The following PASD1 variants were observed in gnomAD, a reference collection of about 807,000 sequenced individuals.
PASD1 encodes PAS domain containing repressor 1.
PASD1 carries 13 observed loss-of-function variants against 58.8 expected under a neutral mutation model. The ratio of observed to expected loss-of-function variants is 0.22; its 90% confidence interval spans 0.14 to 0.35. The LOEUF (loss-of-function observed/expected upper bound fraction) is 0.35. Among genes scored for constraint, PASD1 ranks in the 10% least tolerant of loss-of-function variants. PASD1 has a pLI of 1.00. For missense variants in PASD1, 734 were observed against 568.3 expected (o/e 1.29, Z -2.96); for synonymous variants, 236 against 216.7 (o/e 1.09, Z -0.78).
At chrX:151,666,605 A>G (rs1257557947) in intron 11 of PASD1, among the ~76,000 whole-genome samples, 4 of 95,446 alleles carry the variant, frequency 4.2e-5, no homozygotes, top group Non-Finnish European at 6.2e-5. Flanking sequence ...TCATTGTTCA[A>G]TTCCCACCTA....
chrX:151,643,944 T>C (rs780452007), intron 8 of PASD1, among the ~76,000 whole-genome samples: 2 of 112,164 alleles, frequency 1.8e-5, no homozygotes, highest in Admixed American at 1.9e-4. Context: ...TAGTGTCTTT[T>C]CTGTCAGTCA....
At chrX:151,567,272 A>G (rs2012861879) in intron 1 of PASD1, among the ~76,000 whole-genome samples, 1 of 110,074 alleles carries the variant, frequency 9.1e-6, no homozygotes, top group Non-Finnish European at 1.9e-5. Context: ...GTGATCCTAC[A>G]AGTTTTTGTT....
chrX:151,626,381 A>T (rs1292939293), intron 8 of PASD1, among the ~76,000 whole-genome samples: 1 of 112,065 alleles, frequency 8.9e-6, no homozygotes, highest in Admixed American at 9.5e-5. Flanking sequence ...CCTAACCCCC[A>T]GGAAAATGCC....
At chrX:151,621,676 G>C in intron 6 of PASD1, 84 bp downstream of exon 6, 3 of 606,407 alleles carry the variant, frequency 4.9e-6, no homozygotes, top group Non-Finnish European at 7.4e-6. Flanking sequence ...CTTCTGCTTG[G>C]TACTTGCAAA....
chrX:151,588,690 G>C (rs905210026), intron 1 of PASD1, among the ~76,000 whole-genome samples: 8 of 112,079 alleles, frequency 7.1e-5, no homozygotes, highest in African/African-American at 2.3e-4. Context: ...CTGGGTTCTA[G>C]AGCACTAACT....
rs2124320796 is a variant in PASD1, at chrX:151,672,511, A to G, written c.1766A>G (p.Asn589Ser). 8.3e-7 allele frequency: 1 copy of G among 1,211,362 alleles called. No homozygotes were observed. The highest frequency in any genetic ancestry group is 3.0e-5 in the East Asian group (1 of 33,794). ...GAGAGGGTGCAGATATGCCTGCAAA[A>G]CCCACGTGACGTATCTGTGCCCCTC... ...GNERVQICLQ[N>S]PRDVSVPLCN... Residue 589 changes from asparagine to serine, a missense_variant, in exon 14 of 16, where the codon AAC (asparagine) becomes AGC (serine). By Grantham distance (46) the Asn-to-Ser change is conservative. Coordinates refer to ENST00000370357, the MANE Select transcript of PASD1 (RefSeq NM_173493.3).
intron 8 of PASD1, among the ~76,000 whole-genome samples, chrX:151,636,537 G>A (rs1329563109): frequency 9.0e-6 from 1 of 110,577 alleles, no homozygotes; most frequent in Non-Finnish European, 1.9e-5. Flanking sequence ...CTGAGTAGCT[G>A]GGATTACAGG....
At chrX:151,596,014 T>C (rs2013318490) in intron 1 of PASD1, among the ~76,000 whole-genome samples, 3 of 111,736 alleles carry the variant, frequency 2.7e-5, no homozygotes, top group Admixed American at 9.5e-5. Flanking sequence ...CTACCTGCTT[T>C]CCAGTGTCTT....
chrX:151,671,439 G>T (rs766909464), intron 12 of PASD1, 134 bp from the exon 13 acceptor site: 1 of 848,382 alleles, frequency 1.2e-6, no homozygotes, highest in Admixed American at 2.8e-5. Context: ...GGCAATGGTA[G>T]ATGTGGCTTA....
intron 1 of PASD1, among the ~76,000 whole-genome samples, chrX:151,582,670 C>G (rs909265727): frequency 5.4e-5 from 6 of 111,784 alleles, no homozygotes; most frequent in African/African-American, 2.0e-4. Context: ...AATGCTGCTG[C>G]ACTTCAGCTT....
intron 1 of PASD1, among the ~76,000 whole-genome samples, chrX:151,564,971 A>G (rs1450579198): frequency 8.9e-6 from 1 of 112,087 alleles, no homozygotes; most frequent in African/African-American, 3.2e-5. Context: ...TATAAAATCA[A>G]GAATGTAAAT....
chrX:151,670,843 C>T (rs1000160350), intron 11 of PASD1, among the ~76,000 whole-genome samples, 195 bp from the exon 12 acceptor site: 3 of 112,233 alleles, frequency 2.7e-5, no homozygotes, highest in East Asian at 2.8e-4. Context: ...AAATGATCTC[C>T]GTGGTCCATT....
intron 11 of PASD1, 28 bp downstream of exon 11, chrX:151,664,376 T>C: frequency 8.3e-7 from 1 of 1,205,768 alleles, no homozygotes; most frequent in Non-Finnish European, 1.1e-6. Context: ...CTTCACTCGC[T>C]TCACGTTTGT....
At chrX:151,601,892 C>T (rs1186610197) in intron 2 of PASD1, among the ~76,000 whole-genome samples, 1 of 112,306 alleles carries the variant, frequency 8.9e-6, no homozygotes, top group Non-Finnish European at 1.9e-5. Context: ...TTTTAGAAGA[C>T]AGTTTTTGAG....
At chrX:151,584,094 A>G (rs1218780393) in intron 1 of PASD1, among the ~76,000 whole-genome samples, 1 of 111,762 alleles carries the variant, frequency 8.9e-6, no homozygotes, top group Non-Finnish European at 1.9e-5. Context: ...GACCATTAAC[A>G]ATAACTTTGG....
intron 4 of PASD1, among the ~76,000 whole-genome samples, chrX:151,615,620 T>C (rs1166526264): frequency 9.0e-6 from 1 of 111,580 alleles, no homozygotes; most frequent in Non-Finnish European, 1.9e-5. Context: ...ATCCAACTTA[T>C]ATTATAAAAT....
At chrX:151,670,620 A>G (rs989791544) in intron 11 of PASD1, among the ~76,000 whole-genome samples, 39 of 112,061 alleles carry the variant, frequency 3.5e-4, no homozygotes, top group African/African-American at 1.3e-3. Flanking sequence ...TACAGTGCTT[A>G]GAAGAGTGCC....
chrX:151,619,115 A>T (rs1233188480), intron 4 of PASD1, among the ~76,000 whole-genome samples: 1 of 111,025 alleles, frequency 9.0e-6, no homozygotes, highest in African/African-American at 3.3e-5. Flanking sequence ...CAAACTGGAA[A>T]TGAGACTTGG....
intron 11 of PASD1, among the ~76,000 whole-genome samples, chrX:151,666,327 T>C (rs902589316): frequency 4.5e-5 from 5 of 110,545 alleles, no homozygotes; most frequent in African/African-American, 1.6e-4. Flanking sequence ...GAATCTCATC[T>C]CTTTTCTGTC....
Sources: allele counts gnomAD v4.1 joint callset (sites outside exome capture counted in the v4.1 genomes callset), GRCh38; gene constraint gnomAD v4.1.1; transcripts MANE v1.5; gene names NCBI Gene and HGNC (gene_info 2026-07-23, HGNC 2026-07-21).